The following WDR70 variants were observed in gnomAD, a reference collection of about 807,000 sequenced individuals.
WDR70 encodes WD repeat domain 70.
Under a neutral mutation model 88.6 loss-of-function variants are expected in WDR70, and 53 were observed. The ratio of observed to expected loss-of-function variants is 0.60; its 90% CI spans 0.48 to 0.75. The LOEUF (loss-of-function observed/expected upper bound fraction) is 0.75. WDR70 is among the 30% of genes least tolerant of loss of function. The pLI, the probability that WDR70 is intolerant of heterozygous loss-of-function variation, is 0.00. For synonymous variants in WDR70, 280 were observed against 270.0 expected, an observed-to-expected ratio of 1.04 and a Z score of -0.36; for missense variants, 610 against 823.2, an observed-to-expected ratio of 0.74 and a Z score of 3.17.
At chr5:37,689,232 C>A (rs1424860576) in intron 10 of WDR70, among the ~76,000 whole-genome samples, 2 of 152,258 alleles carry the variant, frequency 1.3e-5, no homozygotes, top group Non-Finnish European at 2.9e-5. Context: ...CCTACTGCCT[C>A]TATGCACTCC....
chr5:37,667,074 C>T (rs1745874157), intron 10 of WDR70, among the ~76,000 whole-genome samples: 1 of 152,088 alleles, frequency 6.6e-6, no homozygotes, highest in South Asian at 2.1e-4. Flanking sequence ...TTTTTATTGC[C>T]TCTTCGTGGA....
intron 6 of WDR70, among the ~76,000 whole-genome samples, chr5:37,440,780 T>C (rs1158060893): frequency 6.6e-6 from 1 of 152,248 alleles, no homozygotes; most frequent in Non-Finnish European, 1.5e-5. Flanking sequence ...TTTGTAATTT[T>C]GCTTTTTAAT....
intron 9 of WDR70, among the ~76,000 whole-genome samples, chr5:37,592,713 G>A (rs1743568468): frequency 6.6e-6 from 1 of 152,156 alleles, no homozygotes; most frequent in South Asian, 2.1e-4. Flanking sequence ...TTCCCCCTGT[G>A]CTTGAGAAAA....
rs1353435889 is a variant in WDR70, at chr5:37,379,359, C to T, written c.-9C>T. 2 of 1,613,540 alleles carry T rather than the reference C, an allele frequency of 1.2e-6. No homozygotes were observed. Among genetic ancestry groups the T allele is most frequent in the Non-Finnish European group, 1.7e-6 (2 of 1,179,770 alleles). ...TCCCTGTGGCTGGTTCTGGGGTGTG[C>T]GGCCAGCCATGGAGCGCTCTGGGCC... is the stretch of plus-strand genomic sequence containing the variant. On this transcript the variant is annotated 5_prime_UTR_variant, in exon 1 of 18. Transcript: ENST00000265107.
At chr5:37,556,488 C>T (rs1280273237) in intron 9 of WDR70, among the ~76,000 whole-genome samples, 1 of 152,130 alleles carries the variant, frequency 6.6e-6, no homozygotes, top group African/African-American at 2.4e-5. Context: ...CATATGTTAT[C>T]TTCACTCAAG....
chr5:37,623,358 T>C (rs975405068), intron 10 of WDR70, among the ~76,000 whole-genome samples: 1 of 152,132 alleles, frequency 6.6e-6, no homozygotes, highest in Non-Finnish European at 1.5e-5. Context: ...GTTTTCATTA[T>C]TATCCTCAAA....
chr5:37,480,169 C>T (rs1739618865), intron 8 of WDR70, among the ~76,000 whole-genome samples, 182 bp downstream of exon 8: 1 of 152,156 alleles, frequency 6.6e-6, no homozygotes, highest in South Asian at 2.1e-4. Context: ...AGCTGGAGCA[C>T]TAGGATCGCT....
chr5:37,477,239 A>C (rs1048522744), intron 7 of WDR70, among the ~76,000 whole-genome samples: 1 of 152,074 alleles, frequency 6.6e-6, no homozygotes, highest in Admixed American at 6.5e-5. Flanking sequence ...ATCTCTTTTA[A>C]AGCAAGTCAA....
intron 10 of WDR70, among the ~76,000 whole-genome samples, chr5:37,631,821 C>G (rs528439536): frequency 6.6e-6 from 1 of 152,116 alleles, no homozygotes; most frequent in Non-Finnish European, 1.5e-5. Context: ...TATATTATCA[C>G]GGGTGAAATT....
intron 10 of WDR70, among the ~76,000 whole-genome samples, chr5:37,618,864 G>A (rs896324764): frequency 4.6e-5 from 7 of 152,280 alleles, no homozygotes; most frequent in South Asian, 4.1e-4. Flanking sequence ...TGGAAGCAGG[G>A]TGACTGGTTA....
In WDR70 at chr5:37,396,489, T is replaced by G; in HGVS notation, c.411T>G (p.Asp137Glu). Residue 137 changes from aspartate to glutamate, a missense_variant, in exon 5 of 18, where the codon GAT becomes GAG. By Grantham distance (45) the Asp-to-Glu change is conservative (BLOSUM62 2). This residue lies in a region of WDR70 where 203 missense variants were observed against 228.1 expected (regional missense o/e 0.89). Transcript: ENST00000265107. ...AACCAGTTAATTTTATGGAGGAAGA[T>G]ATCCTCGGTCCTTTACCTCCACCTC... ...VGKPVNFMEEDILGPLPPPLN... is the reference protein window; with the variant it reads ...VGKPVNFMEEEILGPLPPPLN... 6.2e-7 allele frequency: 1 copy of G among 1,613,986 alleles called. No homozygotes were observed. The highest frequency in any genetic ancestry group is 1.3e-5 in the African/African-American group (1 of 75,008).
intron 17 of WDR70, among the ~76,000 whole-genome samples, chr5:37,746,967 A>T (rs372289551): frequency 6.6e-6 from 1 of 152,182 alleles, no homozygotes; most frequent in Admixed American, 6.5e-5. Flanking sequence ...AACACACACA[A>T]AAAAGAAAAC....
At chr5:37,445,992 T>C (rs903729437) in intron 7 of WDR70, among the ~76,000 whole-genome samples, 7 of 152,144 alleles carry the variant, frequency 4.6e-5, no homozygotes, top group African/African-American at 1.7e-4. Flanking sequence ...AAAGAGGAAT[T>C]GAAATTGTCC....
chr5:37,605,130 G>A lies in WDR70; in HGVS notation c.984G>A (p.Met328Ile). Residue 328 changes from methionine (M) to isoleucine (I), a missense_variant, in exon 10 of 18, where the codon ATG (methionine) becomes ATA (isoleucine). Around this residue, in one of 4 missense-constraint regions of WDR70, gnomAD observed 254 missense variants for 300.7 expected, o/e 0.84. Transcript: ENST00000265107. ...AAAGTGTGTTTAAACCACGGACGAT[G>A]CAAGGCAAAAAAGTCATTCCCACTA... ...KQKSVFKPRT[M>I]QGKKVIPTTC... 1 of 1,613,268 alleles carries A rather than the reference G, an allele frequency of 6.2e-7. No individual in the cohort carries two copies. The highest frequency in any genetic ancestry group is 1.1e-5 in the South Asian group (1 of 90,960).
chr5:37,728,320 C>T (rs1369890886), intron 17 of WDR70, among the ~76,000 whole-genome samples: 2 of 147,814 alleles, frequency 1.4e-5, no homozygotes, highest in Non-Finnish European at 3.0e-5. Context: ...TGCACTCTAA[C>T]CTAGGTGACA....
rs1581491256 is a variant in WDR70 at position 37,680,522 on chromosome 5, A to G, written c.1093-17133A>G. ...GCCTAGGTTTTCTTCTAGGATTTTT[A>G]TAGTTTTGGGTTTTACATTTAAGTC... On this transcript the variant is annotated intron_variant, in intron 10 of 17. Coordinates refer to ENST00000265107, the MANE Select transcript of WDR70 (RefSeq NM_018034.4). 5.3e-5 allele frequency among the ~76,000 whole-genome samples: 8 copies of G among 152,168 alleles called. No individual in the cohort carries two copies. In the South Asian group the frequency reaches 1.7e-3, roughly 32 times the overall value.
At chr5:37,695,928 C>T (rs1746967821) in intron 10 of WDR70, among the ~76,000 whole-genome samples, 1 of 152,180 alleles carries the variant, frequency 6.6e-6, no homozygotes, top group South Asian at 2.1e-4. Context: ...ACCTCCTGCT[C>T]CTGCAACTGC....
At chr5:37,384,236 C>T (rs939164110) in intron 3 of WDR70, among the ~76,000 whole-genome samples, 1 of 142,354 alleles carries the variant, frequency 7.0e-6, no homozygotes, top group African/African-American at 2.6e-5. Context: ...GACAGGTGTG[C>T]AGTGGCATGA....
At chr5:37,675,828 A>C (rs1011074576) in intron 10 of WDR70, among the ~76,000 whole-genome samples, 30 of 152,100 alleles carry the variant, frequency 2.0e-4, no homozygotes, top group African/African-American at 7.2e-4. Context: ...CTTGGGCAGT[A>C]TGGCCATTTT....
Sources: gnomAD v4.1 joint callset for allele counts (sites outside exome capture counted in the v4.1 genomes callset) on GRCh38, gnomAD v4.1.1 for gene constraint, gnomAD v4.1.1 regional missense constraint, MANE v1.5 for transcripts, NCBI Gene and HGNC (gene_info 2026-07-23, HGNC 2026-07-21) for gene names.